ZNF777: variants seen among roughly 807,000 people sequenced by gnomAD.
The protein encoded by ZNF777 is zinc finger protein 777.
ZNF777 carries 7 observed loss-of-function variants against 72.1 expected under a neutral mutation model. The ratio of observed to expected loss-of-function variants is 0.10; its 90% CI spans 0.06 to 0.18. The LOEUF is 0.18. Ranked by LOEUF, ZNF777 falls within the 10% of genes least tolerant of loss-of-function variation. The pLI, the probability that ZNF777 is intolerant of heterozygous loss-of-function variation, is 1.00. For missense variants in ZNF777, 828 were observed against 1,128.6 expected, an observed-to-expected ratio of 0.73 and a Z score of 3.82; for synonymous variants, 545 against 483.5, an observed-to-expected ratio of 1.13 and a Z score of -1.67.
chr7:149,440,675 T>TG (rs1799498526), intron 4 of ZNF777, among the ~76,000 whole-genome samples: 1 of 135,072 alleles, frequency 7.4e-6, no homozygotes, highest in African/African-American at 3.3e-5. Flanking sequence ...GTTTTTTTGT[T>TG]TTTTTTTTTT....
At chr7:149,452,515 C>A (rs1310421763) in intron 3 of ZNF777, among the ~76,000 whole-genome samples, 2 of 150,796 alleles carry the variant, frequency 1.3e-5, no homozygotes, top group Non-Finnish European at 3.0e-5. Context: ...TGCCTGTAGT[C>A]CCAGCTACTC....
intron 3 of ZNF777, among the ~76,000 whole-genome samples, chr7:149,451,661 A>G (rs1799719409): frequency 6.6e-6 from 1 of 152,150 alleles, no homozygotes; most frequent in Non-Finnish European, 1.5e-5. Flanking sequence ...ACTGCACTCC[A>G]GCCTGGGCAA....
chr7:149,438,575 C>T (rs1799458336), intron 4 of ZNF777, among the ~76,000 whole-genome samples: 2 of 152,072 alleles, frequency 1.3e-5, no homozygotes. Flanking sequence ...GTGAAAAAAA[C>T]ATAGACCTTA....
intron 4 of ZNF777, among the ~76,000 whole-genome samples, chr7:149,442,617 C>CT (rs1333462398): frequency 6.9e-6 from 1 of 144,298 alleles, no homozygotes; most frequent in Non-Finnish European, 1.5e-5. Context: ...GAGACTCTGT[C>CT]TAAAAAAAAA....
Position 149,431,582 on chromosome 7 carries a change from C to G in ZNF777, c.*194G>C. The G allele has an allele frequency of 1.7e-6, 1 of 584,570 alleles. No individual in the cohort carries two copies. The allele number at this position is 584,570 out of a possible 1,614,324, so 36.2% of individuals were successfully genotyped here. ...TCCGCGCCCTCCCCCCTGGGGCCCC[C>G]GGGGAAACGCGGCAGCAAGGGACCT... On this transcript the variant is annotated 3_prime_UTR_variant, in exon 6 of 6. Coordinates refer to ENST00000247930, the MANE Select transcript of ZNF777 (RefSeq NM_015694.3).
rs75104198 is a variant in ZNF777 at position 149,432,802 on chromosome 7, C to T, written c.1470G>A (p.Pro490=). 6.2e-7 allele frequency: 1 copy of T among 1,607,388 alleles called. No homozygotes were observed. Among genetic ancestry groups the T allele is most frequent in the South Asian group, 1.1e-5 (1 of 90,546 alleles). Residue 490 remains proline, a synonymous_variant, in exon 6 of 6, where the codon CCG becomes CCA. Coordinates refer to ENST00000247930, the MANE Select transcript of ZNF777 (RefSeq NM_015694.3). ...CCTCGGGGGACATCTCCCCGGGCAG[C>T]GGGGTCTGGTACATACTGGCCTCAT... The part of the protein sequence containing the change: ...GRYEASMYQT[P]LPGEMSPEGE...
At position 149,437,800 on chromosome 7, in the gene ZNF777, TTTTTC is replaced by T. The variant is rs1387327473; in HGVS notation, c.1088-979_1088-975del. ...ACATACACATTTATATGTTTGTTTC[TTTTTC>T]TTTTTTTTTTTTTTTTGTCACTATT... is the stretch of plus-strand genomic sequence containing the variant. On this transcript the variant is annotated intron_variant, in intron 4 of 5. Coordinates refer to ENST00000247930, the MANE Select transcript of ZNF777 (RefSeq NM_015694.3). Among the ~76,000 whole-genome samples the T allele has an allele frequency of 3.3e-3, 187 of 57,250 alleles. 3 individuals are homozygous for T. Among genetic ancestry groups the T allele is most frequent in the East Asian group, 0.024 (41 of 1,684 alleles). 37.6% of individuals were successfully genotyped at this position (57,250 alleles called of 152,430 possible).
Position 149,436,695 on chromosome 7 carries a change from A to G in ZNF777, c.1219T>C (p.Cys407Arg). The change falls in exon 5 of 6, where the codon TGT becomes CGT. Residue 407 changes from cysteine to arginine, a missense_variant. Transcript: ENST00000247930. The surrounding 1 kb of genome is among the most constrained non-coding windows in gnomAD (Gnocchi z 5.0). ...ATGTCCAGGTCTGGCTGTTCCCCAC[A>G]GGGGTCACCCAGCTCTGAGTCCTGG... ...GFQDSELGDP[C>R]GEQPDLDMQE... 1 of 1,614,108 alleles carries G rather than the reference A, an allele frequency of 6.2e-7. No homozygotes were observed. The highest frequency in any genetic ancestry group is 8.5e-7 in the Non-Finnish European group (1 of 1,180,022).
At chr7:149,456,121 TA>T in intron 1 of ZNF777, 84 bp from the exon 2 acceptor site, 1 of 1,431,526 alleles carries the variant, frequency 7.0e-7, no homozygotes, top group Non-Finnish European at 9.2e-7. Flanking sequence ...AGTATACACA[TA>T]AAAAGTGCTT....
chr7:149,451,156 G>A (rs1799708947), intron 3 of ZNF777, 44 bp from the exon 4 acceptor site: 1 of 1,538,332 alleles, frequency 6.5e-7, no homozygotes, highest in South Asian at 1.1e-5. Flanking sequence ...GGATGAGGTT[G>A]CACTGGATGT....
intron 3 of ZNF777, among the ~76,000 whole-genome samples, chr7:149,452,092 C>T (rs191160820): frequency 5.1e-4 from 76 of 147,734 alleles, no homozygotes; most frequent in African/African-American, 8.0e-4. Flanking sequence ...GGTGAAACCC[C>T]GTCTCTACTA....
Position 149,432,252 on chromosome 7 carries a change from G to T in ZNF777, c.2020C>A (p.Arg674Ser). Reference sequence around the variant, plus strand: ...TGGATCACCAAGCTGATGTGCAGGCGGAAGCTCTTCTTGCACTCGGGGCAC... The same window carrying T: ...TGGATCACCAAGCTGATGTGCAGGCTGAAGCTCTTCTTGCACTCGGGGCAC... ...YTCPECKKSF[R>S]LHISLVIHQR... is the part of the protein sequence containing the mutation. Residue 674 changes from arginine (R) to serine (S), a missense_variant, in exon 6 of 6, where the codon CGC becomes AGC. Transcript: ENST00000247930. 6.2e-7 allele frequency: 1 copy of T among 1,605,414 alleles called. No individual in the cohort carries two copies.
chr7:149,450,793 C>T (rs1338591139), intron 4 of ZNF777, among the ~76,000 whole-genome samples: 1 of 152,222 alleles, frequency 6.6e-6, no homozygotes, highest in Non-Finnish European at 1.5e-5. Context: ...ATTCCTGAGA[C>T]AGTGAACCCA....
chr7:149,431,763 G>C lies in ZNF777; in HGVS notation c.*13C>G, dbSNP rs570393087. On this transcript the variant is annotated 3_prime_UTR_variant, in exon 6 of 6. Coordinates refer to ENST00000247930, the MANE Select transcript of ZNF777 (RefSeq NM_015694.3). ...CCGCGCACCTGGCCGGGCGGCGGCG[G>C]CGGGGCGCGCGCTCACTCGCCCGTG... 3.7e-5 allele frequency: 55 copies of C among 1,488,966 alleles called. No homozygotes were observed. The African/African-American group carries it at 8.0e-4, about 22-fold the overall frequency. The allele number at this position is 1,488,966 out of a possible 1,614,324, so 92.2% of individuals were successfully genotyped here.
intron 4 of ZNF777, among the ~76,000 whole-genome samples, chr7:149,448,589 A>ATGTATAAC (rs1799657705): frequency 1.9e-5 from 1 of 52,400 alleles, no homozygotes; most frequent in African/African-American, 8.0e-5. Flanking sequence ...CTATATATAT[A>ATGTATAAC]TATATATATA....
At chr7:149,443,257 T>C (rs1415445944) in intron 4 of ZNF777, among the ~76,000 whole-genome samples, 4 of 152,208 alleles carry the variant, frequency 2.6e-5, no homozygotes, top group African/African-American at 4.8e-5. Flanking sequence ...GTCAATGATA[T>C]AGTATTGAAA....
rs374149467 is a variant in ZNF777 at position 149,455,426 on chromosome 7, C to T, written c.597G>A (p.Leu199=). The T allele has an allele frequency of 3.3e-5, 53 of 1,614,086 alleles. No homozygotes were observed. Among genetic ancestry groups the T allele is most frequent in the Non-Finnish European group, 4.5e-5 (53 of 1,180,050 alleles). Residue 199 remains leucine (L), a synonymous_variant, in exon 2 of 6, where the codon CTG becomes CTA. Transcript: ENST00000247930. The surrounding 1 kb of genome is among the most constrained non-coding windows in gnomAD (Gnocchi z 4.2). The part of the protein sequence containing the change: ...WAAVQAVERK[L]EAQAMRLLTL... ...TCAGTAGCCTCATGGCCTGGGCCTC[C>T]AGCTTCCTCTCCACTGCTTGGACGG...
intron 1 of ZNF777, 66 bp from the exon 2 acceptor site, chr7:149,456,103 CA>C: frequency 2.0e-6 from 3 of 1,491,848 alleles, no homozygotes; most frequent in Non-Finnish European, 2.7e-6. Flanking sequence ...AAATAAAACC[CA>C]AAGACAAGTA....
rs1246357985 is a variant in ZNF777 at position 149,436,735 on chromosome 7, C to T, written c.1179G>A (p.Val393=). The stretch of plus-strand genomic sequence containing the variant: ...CTGAGTCCTGGAAGCCGTGCTCTTC[C>T]ACCTGTCCCATCAGGGGCTCAGGTG... ...LETPEPLMGQ[V]EEHGFQDSEL... is the part of the protein sequence containing the mutation. Residue 393 remains valine, a synonymous_variant, in exon 5 of 6, where the codon GTG becomes GTA. Coordinates refer to ENST00000247930, the MANE Select transcript of ZNF777 (RefSeq NM_015694.3). This position sits in a 1 kb window ranked among gnomAD's most constrained non-coding sequence, Gnocchi z 5.0. 3 of 1,614,180 alleles carry T rather than the reference C, an allele frequency of 1.9e-6. No individual in the cohort carries two copies. Among genetic ancestry groups the T allele is most frequent in the Non-Finnish European group, 2.5e-6 (3 of 1,180,036 alleles).
Sources: gnomAD v4.1 joint callset for allele counts (sites outside exome capture counted in the v4.1 genomes callset) on GRCh38, gnomAD v4.1.1 for gene constraint, Gnocchi (gnomAD v3.1) non-coding constraint, MANE v1.5 for transcripts, NCBI Gene and HGNC (gene_info 2026-07-23, HGNC 2026-07-21) for gene names.